LDLRAD3: variants seen among roughly 807,000 people sequenced by gnomAD.
LDLRAD3 encodes low density lipoprotein receptor class A domain containing 3.
LDLRAD3 carries 20 observed loss-of-function variants against 29.4 expected under a neutral mutation model. The ratio of observed to expected loss-of-function variants is 0.68; its 90% CI spans 0.48 to 0.99. LDLRAD3 has a LOEUF of 0.99. Ranked by LOEUF, LDLRAD3 falls within the 50% of genes least tolerant of loss-of-function variation. The probability of loss-of-function intolerance (pLI) is 0.00; values close to 1 mark genes in which losing one functional copy is unlikely to be tolerated. For synonymous variants in LDLRAD3, 157 were observed against 192.7 expected (o/e 0.81, Z 1.53); for missense variants, 420 against 454.3 (o/e 0.92, Z 0.69).
At chr11:35,980,101 G>T (rs1340877734) in intron 1 of LDLRAD3, among the ~76,000 whole-genome samples, 2 of 152,170 alleles carry the variant, frequency 1.3e-5, no homozygotes, top group African/African-American at 4.8e-5. Context: ...AATGTGTTTA[G>T]TAGCTCTCTA....
At chr11:36,048,338 G>A (rs1278184267) in intron 2 of LDLRAD3, among the ~76,000 whole-genome samples, 1 of 152,116 alleles carries the variant, frequency 6.6e-6, no homozygotes, top group Non-Finnish European at 1.5e-5. Context: ...AGCCTAGGAT[G>A]GGGAGCCCCA....
intron 4 of LDLRAD3, among the ~76,000 whole-genome samples, chr11:36,150,469 C>T (rs904749697): frequency 4.6e-5 from 7 of 151,878 alleles, no homozygotes; most frequent in South Asian, 2.1e-4. Flanking sequence ...CCCAGGCTGC[C>T]GTGTGTTATA....
intron 4 of LDLRAD3, among the ~76,000 whole-genome samples, chr11:36,150,930 C>G (rs1184941206): frequency 6.6e-6 from 1 of 152,130 alleles, no homozygotes; most frequent in Non-Finnish European, 1.5e-5. Context: ...TCCTGCTTGT[C>G]TTGCTGTCTG....
chr11:36,189,799 G>T (rs1459391881), intron 4 of LDLRAD3, among the ~76,000 whole-genome samples: 1 of 151,708 alleles, frequency 6.6e-6, no homozygotes, highest in African/African-American at 2.4e-5. Flanking sequence ...TCATTGTTCA[G>T]TTCCCACCTA....
intron 1 of LDLRAD3, among the ~76,000 whole-genome samples, chr11:35,970,802 G>A (rs1312655038): frequency 1.3e-5 from 2 of 152,198 alleles, no homozygotes; most frequent in Non-Finnish European, 2.9e-5. Flanking sequence ...GGGTATCTAG[G>A]ACATCTTAAT....
At chr11:36,170,800 T>G (rs866931200) in intron 4 of LDLRAD3, among the ~76,000 whole-genome samples, 5 of 151,250 alleles carry the variant, frequency 3.3e-5, no homozygotes, top group Middle Eastern at 3.4e-3. Context: ...CATTTGTATA[T>G]CTTCTTTTTT....
At chr11:36,114,883 G>A (rs536570239) in intron 4 of LDLRAD3, among the ~76,000 whole-genome samples, 1 of 152,096 alleles carries the variant, frequency 6.6e-6, no homozygotes, top group Non-Finnish European at 1.5e-5. Context: ...AGATTCTTTG[G>A]CACTCCTACC....
At chr11:36,196,334 C>G (rs2204508) in intron 4 of LDLRAD3, 132,555 of 152,278 alleles carry the variant, frequency 0.87, 57,802 homozygotes, top group East Asian at 0.97. Flanking sequence ...ACCTGCAGCC[C>G]GTGAAGTCAC....
chr11:35,995,632 G>A (rs187712980), intron 1 of LDLRAD3, among the ~76,000 whole-genome samples: 41 of 152,350 alleles, frequency 2.7e-4, no homozygotes, highest in African/African-American at 9.1e-4. Flanking sequence ...AGATATGAAA[G>A]TCCTGGATGG....
At chr11:36,183,791 C>T (rs746871561) in intron 4 of LDLRAD3, among the ~76,000 whole-genome samples, 2 of 152,086 alleles carry the variant, frequency 1.3e-5, no homozygotes. Context: ...CTTTTTGTGT[C>T]TCTTTCTGCT....
At chr11:36,084,280 G>A (rs1853163717) in intron 3 of LDLRAD3, among the ~76,000 whole-genome samples, 1 of 152,084 alleles carries the variant, frequency 6.6e-6, no homozygotes, top group Non-Finnish European at 1.5e-5. Context: ...ATGCCAATGA[G>A]GATTAAGCCA....
intron 2 of LDLRAD3, among the ~76,000 whole-genome samples, chr11:36,052,000 G>A (rs1468739374): frequency 6.6e-6 from 1 of 152,170 alleles, no homozygotes; most frequent in Non-Finnish European, 1.5e-5. Context: ...TGGAGCCCAG[G>A]AATCTGCATC....
chr11:36,051,378 T>C (rs1233185236), intron 2 of LDLRAD3, among the ~76,000 whole-genome samples: 3 of 152,176 alleles, frequency 2.0e-5, no homozygotes, highest in Non-Finnish European at 4.4e-5. Context: ...AGTCAAATCA[T>C]GCTCTACCTC....
intron 3 of LDLRAD3, among the ~76,000 whole-genome samples, chr11:36,085,587 C>T (rs982915530): frequency 4.6e-5 from 7 of 151,884 alleles, no homozygotes; most frequent in African/African-American, 1.5e-4. Context: ...CCCACAAGTC[C>T]CTGAGGCTCT....
intron 1 of LDLRAD3, among the ~76,000 whole-genome samples, chr11:36,013,770 A>G (rs1851986203): frequency 1.6e-5 from 2 of 125,040 alleles, no homozygotes; most frequent in Non-Finnish European, 3.5e-5. Flanking sequence ...GCAAACCCCC[A>G]GGGGAGTGTG....
In LDLRAD3 at chr11:35,944,068, G is replaced by T; in HGVS notation, c.-31G>T. ...GCGCCGAGGCCGCGGGGGCAGCAAC[G>T]ACGCCGGGCAGCGGGAGCGGCGGCC... is the stretch of plus-strand genomic sequence containing the variant. On this transcript the variant is annotated 5_prime_UTR_variant, in exon 1 of 6. Coordinates refer to ENST00000315571, the MANE Select transcript of LDLRAD3 (RefSeq NM_174902.4). The surrounding 1 kb of genome is among the most constrained non-coding windows in gnomAD (Gnocchi z 4.9). 3 of 1,076,836 alleles carry T rather than the reference G, an allele frequency of 2.8e-6. No homozygotes were observed. Among genetic ancestry groups the T allele is most frequent in the South Asian group, 4.4e-5 (1 of 22,958 alleles). The allele number at this position is 1,076,836 out of a possible 1,614,324, so 66.7% of individuals were successfully genotyped here.
intron 4 of LDLRAD3, among the ~76,000 whole-genome samples, chr11:36,212,670 C>A (rs1855298895): frequency 6.6e-6 from 1 of 152,198 alleles, no homozygotes; most frequent in Non-Finnish European, 1.5e-5. Context: ...CCACCCGACT[C>A]CCTGGCTTAT....
rs1185394191 is a variant in LDLRAD3 at position 35,944,835 on chromosome 11, C to T, written c.46+691C>T. 1.3e-5 allele frequency among the ~76,000 whole-genome samples: 2 copies of T among 152,238 alleles called. No homozygotes were observed. Among genetic ancestry groups the T allele is most frequent in the Non-Finnish European group, 1.5e-5 (1 of 68,042 alleles). The stretch of plus-strand genomic sequence containing the variant: ...ACCGGCGAGGGGCCCTGGGAGAGGA[C>T]ACGGGGCTTCATCCGGCGGCCCTTT... On this transcript the variant is annotated intron_variant, in intron 1 of 5. Coordinates refer to ENST00000315571, the MANE Select transcript of LDLRAD3 (RefSeq NM_174902.4). The surrounding 1 kb of genome is among the most constrained non-coding windows in gnomAD (Gnocchi z 4.9).
chr11:36,110,978 A>G (rs1371539650), intron 4 of LDLRAD3, among the ~76,000 whole-genome samples: 2 of 152,174 alleles, frequency 1.3e-5, no homozygotes, highest in African/African-American at 4.8e-5. Flanking sequence ...AGGGAATAGT[A>G]TAGCCAAAGA....
Sources: gnomAD v4.1 joint callset for allele counts (sites outside exome capture counted in the v4.1 genomes callset) on GRCh38, gnomAD v4.1.1 for gene constraint, Gnocchi (gnomAD v3.1) non-coding constraint, MANE v1.5 for transcripts, NCBI Gene and HGNC (gene_info 2026-07-23, HGNC 2026-07-21) for gene names.